SLC38A10: variants seen among roughly 807,000 people sequenced by gnomAD.
SLC38A10 encodes the protein solute carrier family 38 member 10.
In SLC38A10, 53 loss-of-function variants were observed where a neutral mutation model predicts 81.0. The observed-to-expected ratio is 0.65, with a 90% CI of 0.53 to 0.82. The LOEUF is 0.82. Among genes scored for constraint, SLC38A10 ranks in the 40% least tolerant of loss-of-function variants. SLC38A10 has a pLI of 0.00. For missense variants in SLC38A10, 1,471 were observed against 1,545.0 expected, an observed-to-expected ratio of 0.95 and a Z score of 0.80; for synonymous variants, 665 against 655.3, an observed-to-expected ratio of 1.01 and a Z score of -0.23.
chr17:81,292,987 CAAATAAAT>C (rs377273514), intron 1 of SLC38A10, among the ~76,000 whole-genome samples: 1,912 of 151,926 alleles, frequency 0.013, 26 homozygotes, highest in Middle Eastern at 0.041. Context: ...CTACTAAATA[CAAATAAAT>C]AAATAAATAA....
chr17:81,252,376 A>AGCTG lies in SLC38A10; in HGVS notation c.1760_1763dup (p.Val589SerfsTer26). 1 of 1,613,208 alleles carries AGCTG rather than the reference A, an allele frequency of 6.2e-7. No homozygotes were observed. Among genetic ancestry groups the AGCTG allele is most frequent in the Non-Finnish European group, 8.5e-7 (1 of 1,180,002 alleles). On this transcript the variant is annotated frameshift_variant, in exon 13 of 16. Coordinates refer to ENST00000374759, the MANE Select transcript of SLC38A10 (RefSeq NM_001037984.3). LOFTEE classifies it high-confidence loss of function. ...CCAGGTCCTCCTTTGCAGGCTGGAC[A>AGCTG]GCTGGCTGACCATCTGCTTCTGGAA...
intron 10 of SLC38A10, among the ~76,000 whole-genome samples, chr17:81,269,692 TATC>T (rs2063098145): frequency 6.6e-6 from 1 of 151,636 alleles, no homozygotes; most frequent in African/African-American, 2.4e-5. Context: ...TGTAAAAACT[TATC>T]AGGTTGAGGC....
intron 9 of SLC38A10, 88 bp from the exon 10 acceptor site, chr17:81,271,112 C>T: frequency 9.1e-7 from 1 of 1,093,258 alleles, no homozygotes; most frequent in South Asian, 1.3e-5. Flanking sequence ...CACGGGTGAG[C>T]AAGCCAGCAT....
chr17:81,262,505 T>C (rs2063032734), intron 10 of SLC38A10, among the ~76,000 whole-genome samples: 1 of 152,232 alleles, frequency 6.6e-6, no homozygotes, highest in African/African-American at 2.4e-5. Flanking sequence ...GTGTGCTAAG[T>C]GCATCTCACA....
At position 81,278,931 on chromosome 17, in the gene SLC38A10, C is replaced by T. The variant is rs150319870; in HGVS notation, c.626+1678G>A. On this transcript the variant is annotated intron_variant, in intron 6 of 15. Coordinates refer to ENST00000374759, the MANE Select transcript of SLC38A10 (RefSeq NM_001037984.3). ...CAATCCTGACCACCTACCCCAGGGA[C>T]CCCCGGGATCATCCCTGGAAAGAAA... Among the ~76,000 whole-genome samples, 108 of 152,314 alleles carry T rather than the reference C, an allele frequency of 7.1e-4. 1 individual carries two copies. Among genetic ancestry groups the T allele is most frequent in the Middle Eastern group, 6.8e-3 (2 of 294 alleles).
At chr17:81,248,847 C>T (rs906608775) in intron 14 of SLC38A10, among the ~76,000 whole-genome samples, 6 of 152,298 alleles carry the variant, frequency 3.9e-5, no homozygotes, top group East Asian at 1.9e-4. Flanking sequence ...GCCATGGGGC[C>T]GGCCCTCAAG....
chr17:81,289,697 C>T lies in SLC38A10; in HGVS notation c.211G>A (p.Gly71Ser), dbSNP rs762191909. ...ASLSKRRTYAGLAFHAYGKAG... is the reference protein window; with the variant it reads ...ASLSKRRTYASLAFHAYGKAG... ...TGTGGAGAGGGCGCCTCACCCAGGC[C>T]GGCGTAGGTCCTCCGCTTGCTCAGG... Residue 71 changes from glycine (G) to serine (S), a missense_variant, in exon 2 of 16, where the codon GGC becomes AGC. Physicochemically the swap from Gly to Ser is moderately conservative, Grantham distance 56 (BLOSUM62 0). Around this residue, in one of 2 missense-constraint regions of SLC38A10, gnomAD observed 720 missense variants for 827.7 expected, o/e 0.87. Transcript: ENST00000374759. This position sits in a 1 kb window ranked among gnomAD's most constrained non-coding sequence, Gnocchi z 5.9. 41 of 1,607,498 alleles carry T rather than the reference C, an allele frequency of 2.6e-5. 1 individual carries two copies. Among genetic ancestry groups the T allele is most frequent in the Admixed American group, 1.0e-4 (6 of 59,588 alleles).
intron 8 of SLC38A10, among the ~76,000 whole-genome samples, chr17:81,275,030 C>T (rs972581908): frequency 3.3e-5 from 5 of 152,098 alleles, no homozygotes; most frequent in East Asian, 1.9e-4. Flanking sequence ...CTCAGCCTCC[C>T]GAGTCACTAG....
chr17:81,291,244 G>T (rs1165932001), intron 1 of SLC38A10, among the ~76,000 whole-genome samples: 1 of 151,976 alleles, frequency 6.6e-6, no homozygotes, highest in Non-Finnish European at 1.5e-5. Flanking sequence ...ACTTTGGGAG[G>T]CCGAGGCAGG....
At chr17:81,271,828 G>A (rs1038663354) in intron 9 of SLC38A10, among the ~76,000 whole-genome samples, 12 of 143,810 alleles carry the variant, frequency 8.3e-5, no homozygotes, top group African/African-American at 2.9e-4. Flanking sequence ...CCAGGTTCAC[G>A]CCATTCTCCT....
In SLC38A10 at chr17:81,253,583, T is replaced by TCACCTC. The variant is rs1446390397; in HGVS notation, c.1289-349_1289-344dup. Among the ~76,000 whole-genome samples the TCACCTC allele has an allele frequency of 6.6e-6, 1 of 151,040 alleles. No homozygotes were observed. Among genetic ancestry groups the TCACCTC allele is most frequent in the African/African-American group, 2.4e-5 (1 of 41,042 alleles). ...ACCTCCATCATCACCGTCATCACCG[T>TCACCTC]CACCTCCACCACCACCACCACCATC... On this transcript the variant is annotated intron_variant, in intron 11 of 15. Transcript: ENST00000374759. This position sits in a 1 kb window ranked among gnomAD's most constrained non-coding sequence, Gnocchi z 4.1.
rs2062851735 is a variant in SLC38A10, at chr17:81,246,398, C to T, written c.2518G>A (p.Ala840Thr). 1 of 1,600,196 alleles carries T rather than the reference C, an allele frequency of 6.2e-7. No homozygotes were observed. Among genetic ancestry groups the T allele is most frequent in the South Asian group, 1.1e-5 (1 of 90,266 alleles). The change falls in exon 16 of 16, where the codon GCC (alanine) becomes ACC (threonine). Residue 840 changes from alanine (A) to threonine (T), a missense_variant. Physicochemically the swap from Ala to Thr is moderately conservative, Grantham distance 58. Transcript: ENST00000374759. ...QAKLRDGQKD[A>T]APRAAGTVKE... Reference sequence around the variant, plus strand: ...ACAGTGCCAGCTGCCCTGGGGGCGGCATCCTTCTGGCCATCTCTCAGCTTG... The same window carrying T: ...ACAGTGCCAGCTGCCCTGGGGGCGGTATCCTTCTGGCCATCTCTCAGCTTG...
Position 81,245,129 on chromosome 17 carries a change from G to A in SLC38A10, c.*427C>T, listed in dbSNP as rs1490131309. 2.1e-5 allele frequency: 4 copies of A among 186,158 alleles called. No homozygotes were observed. The highest frequency in any genetic ancestry group is 1.2e-4 in the Admixed American group (2 of 17,294). 11.5% of individuals were successfully genotyped at this position (186,158 alleles called of 1,614,324 possible). A position where few individuals can be genotyped will look rare whatever the true frequency, so the allele number is the denominator to read the frequency against. On this transcript the variant is annotated 3_prime_UTR_variant, in exon 16 of 16. Transcript: ENST00000374759. ...TGGATGCTGGCTCTCACAGTAGCCTGTGTTGGGACCATGAGCAGCCATGCG... is the reference window on the plus strand; with the variant it reads ...TGGATGCTGGCTCTCACAGTAGCCTATGTTGGGACCATGAGCAGCCATGCG...
rs890805935 is a variant in SLC38A10, at chr17:81,276,002, C to T, written c.879G>A (p.Arg293=). ...VGFPMMILPC[R]QALSTLLCEQ... is the part of the protein sequence containing the mutation. ...CACACAGCAGCGTGCTCAGGGCCTG[C>T]CTGCATGGCAGGATCATCATGGGGA... The change falls in exon 8 of 16, where the codon AGG becomes AGA. Residue 293 remains arginine, a synonymous_variant. Transcript: ENST00000374759. The surrounding 1 kb of genome is among the most constrained non-coding windows in gnomAD (Gnocchi z 4.7). 3.7e-6 allele frequency: 6 copies of T among 1,613,694 alleles called. No homozygotes were observed. Among genetic ancestry groups the T allele is most frequent in the East Asian group, 2.2e-5 (1 of 44,876 alleles).
rs1291304701 is a variant in SLC38A10, at chr17:81,284,900, T to G, written c.218-5A>C. 1 of 1,543,962 alleles carries G rather than the reference T, an allele frequency of 6.5e-7. No homozygotes were observed. Among genetic ancestry groups the G allele is most frequent in the Non-Finnish European group, 8.7e-7 (1 of 1,143,248 alleles). On this transcript the variant is annotated splice_polypyrimidine_tract_variant and splice_region_variant and intron_variant, in intron 2 of 15. Transcript: ENST00000374759. ...CCTTCCCGTAGGCGTGGAATGCTAG[T>G]GCAAAAGAAAAAGGAACACTCAATC... is the stretch of plus-strand genomic sequence containing the variant.
chr17:81,279,438 C>T (rs1372568970), intron 6 of SLC38A10, among the ~76,000 whole-genome samples: 1 of 152,210 alleles, frequency 6.6e-6, no homozygotes, highest in Non-Finnish European at 1.5e-5. Context: ...TCTCAGAAAA[C>T]ATTCCTGGGT....
At position 81,246,412 on chromosome 17, in the gene SLC38A10, T is replaced by C. The variant is rs372385046; in HGVS notation, c.2504A>G (p.Asp835Gly). 3.4e-5 allele frequency: 55 copies of C among 1,601,250 alleles called. No homozygotes were observed. Among genetic ancestry groups the C allele is most frequent in the Non-Finnish European group, 4.5e-5 (53 of 1,175,182 alleles). ...EPRAAQAKLR[D>G]GQKDAAPRAA... The stretch of plus-strand genomic sequence containing the variant: ...CCTGGGGGCGGCATCCTTCTGGCCA[T>C]CTCTCAGCTTGGCCTGGGCTGCCCG... Residue 835 changes from aspartate (D) to glycine (G), a missense_variant, in exon 16 of 16, where the codon GAT becomes GGT. Around this residue, in one of 2 missense-constraint regions of SLC38A10, gnomAD observed 751 missense variants for 717.4 expected, o/e 1.05. Coordinates refer to ENST00000374759, the MANE Select transcript of SLC38A10 (RefSeq NM_001037984.3).
rs1056711513 is a variant in SLC38A10, at chr17:81,277,523, C to T, written c.627-390G>A. 1.3e-5 allele frequency among the ~76,000 whole-genome samples: 2 copies of T among 152,234 alleles called. No individual in the cohort carries two copies. Among genetic ancestry groups the T allele is most frequent in the Admixed American group, 6.5e-5 (1 of 15,284 alleles). On this transcript the variant is annotated intron_variant, in intron 6 of 15. Coordinates refer to ENST00000374759, the MANE Select transcript of SLC38A10 (RefSeq NM_001037984.3). The surrounding 1 kb of genome is among the most constrained non-coding windows in gnomAD (Gnocchi z 4.5). ...TTAAACAAACACACCCTGGCCTGGG[C>T]GGCCGGCCCATCTCGGCGCCTCCAT...
In SLC38A10 at chr17:81,246,419, G is replaced by A; in HGVS notation, c.2497C>T (p.Leu833=). ...GCGGCATCCTTCTGGCCATCTCTCA[G>A]CTTGGCCTGGGCTGCCCGAGGCTCT... is the stretch of plus-strand genomic sequence containing the variant. ...DTEPRAAQAK[L]RDGQKDAAPR... Residue 833 remains leucine (L), a synonymous_variant, in exon 16 of 16, where the codon CTG becomes TTG. Coordinates refer to ENST00000374759, the MANE Select transcript of SLC38A10 (RefSeq NM_001037984.3). 6.2e-7 allele frequency: 1 copy of A among 1,601,506 alleles called. No individual in the cohort carries two copies. Among genetic ancestry groups the A allele is most frequent in the Non-Finnish European group, 8.5e-7 (1 of 1,175,116 alleles).
Sources: gnomAD v4.1 joint callset for allele counts (sites outside exome capture counted in the v4.1 genomes callset) on GRCh38, gnomAD v4.1.1 for gene constraint, gnomAD v4.1.1 regional missense constraint, Gnocchi (gnomAD v3.1) non-coding constraint, MANE v1.5 for transcripts, NCBI Gene and HGNC (gene_info 2026-07-23, HGNC 2026-07-21) for gene names.